ADAMTSL1: variants seen among roughly 807,000 people sequenced by gnomAD.
ADAMTSL1 encodes ADAMTS like 1.
A neutral mutation model predicts 201.8 loss-of-function variants in ADAMTSL1; 126 were observed. That is an observed-to-expected ratio of 0.62 (90% CI 0.54 to 0.72). The LOEUF (loss-of-function observed/expected upper bound fraction) is 0.72. Among genes scored for constraint, ADAMTSL1 ranks in the 30% least tolerant of loss-of-function variants. ADAMTSL1 has a pLI of 0.00. For synonymous variants in ADAMTSL1, 1,121 were observed against 903.4 expected (o/e 1.24, Z -4.32); for missense variants, 2,679 against 2,277.8 (o/e 1.18, Z -3.59).
At chr9:18,261,026 T>C (rs79160963) in intron 2 of ADAMTSL1, among the ~76,000 whole-genome samples, 1 of 143,282 alleles carries the variant, frequency 7.0e-6, no homozygotes, top group Non-Finnish European at 1.5e-5. Context: ...TTTTTTTTTT[T>C]TTGTGTGTCC....
rs914640663 is a variant in ADAMTSL1, at chr9:17,910,244, G to A, written c.87+3322G>A. Among the ~76,000 whole-genome samples the A allele has an allele frequency of 3.8e-4, 26 of 68,532 alleles. 12 individuals carry two copies. Among genetic ancestry groups the A allele is most frequent in the Non-Finnish European group, 5.4e-4 (12 of 22,376 alleles). The allele number at this position is 68,532 out of a possible 152,430, so 45.0% of individuals were successfully genotyped here. A position where few individuals can be genotyped will look rare whatever the true frequency, so the allele number is the denominator to read the frequency against. ...TCTGAACCAAATTAAGACATCTTTC[G>A]TCTTATTTTTAAATATCCACAAGGT... On this transcript the variant is annotated intron_variant, in intron 1 of 29. Transcript: ENST00000680146.
chr9:18,358,536 C>T (rs1432171878), intron 2 of ADAMTSL1, among the ~76,000 whole-genome samples: 2 of 152,150 alleles, frequency 1.3e-5, no homozygotes, highest in Admixed American at 6.6e-5. Context: ...CAATTCTTCC[C>T]CAACCCTTAT....
intron 3 of ADAMTSL1, among the ~76,000 whole-genome samples, chr9:18,560,698 C>T (rs192048399): frequency 6.6e-6 from 1 of 151,744 alleles, no homozygotes; most frequent in East Asian, 1.9e-4. Flanking sequence ...TGTTATTGGT[C>T]TATTCAGGGA....
chr9:18,534,090 A>G (rs78495205), intron 3 of ADAMTSL1, among the ~76,000 whole-genome samples: 1 of 152,198 alleles, frequency 6.6e-6, no homozygotes, highest in Non-Finnish European at 1.5e-5. Context: ...TCATAAAAAG[A>G]TTCGAATGTT....
intron 2 of ADAMTSL1, among the ~76,000 whole-genome samples, chr9:18,242,657 A>C (rs34629437): frequency 1.3e-5 from 2 of 152,154 alleles, no homozygotes; most frequent in Non-Finnish European, 2.9e-5. Flanking sequence ...TTGATGCACT[A>C]AAGTTGTAGG....
intron 1 of ADAMTSL1, among the ~76,000 whole-genome samples, chr9:17,951,526 T>C (rs1827727232): frequency 6.6e-6 from 1 of 152,186 alleles, no homozygotes; most frequent in Admixed American, 6.5e-5. Context: ...ATGGTTTTAA[T>C]GTACCTTTCC....
At chr9:18,398,923 A>G (rs1474850911) in intron 2 of ADAMTSL1, among the ~76,000 whole-genome samples, 1 of 152,148 alleles carries the variant, frequency 6.6e-6, no homozygotes, top group Non-Finnish European at 1.5e-5. Flanking sequence ...ATGATAATGT[A>G]GATGGTACAA....
At chr9:18,826,256 G>GT (rs766497290) in intron 21 of ADAMTSL1, 28 bp from the exon 22 acceptor site, 2 of 1,485,978 alleles carry the variant, frequency 1.3e-6, no homozygotes, top group East Asian at 2.4e-5. Context: ...GATGAGTGGG[G>GT]TTTTTTGTTT....
intron 7 of ADAMTSL1, among the ~76,000 whole-genome samples, chr9:18,649,371 G>A (rs1016359751): frequency 6.6e-6 from 1 of 152,070 alleles, no homozygotes; most frequent in African/African-American, 2.4e-5. Context: ...ATCGTCTGAA[G>A]CCTTCTTCTC....
intron 15 of ADAMTSL1, among the ~76,000 whole-genome samples, chr9:18,727,825 A>C (rs1817981561): frequency 6.6e-6 from 1 of 152,148 alleles, no homozygotes; most frequent in Non-Finnish European, 1.5e-5. Flanking sequence ...CATGCCTGTA[A>C]TCCCAGCATT....
chr9:18,166,182 T>C (rs1315186817), intron 2 of ADAMTSL1, among the ~76,000 whole-genome samples: 1 of 151,950 alleles, frequency 6.6e-6, no homozygotes, highest in African/African-American at 2.4e-5. Context: ...CCCTACCAGA[T>C]TAGCAGCTCT....
chr9:17,958,787 T>A (rs1828027310), intron 1 of ADAMTSL1, among the ~76,000 whole-genome samples: 1 of 152,178 alleles, frequency 6.6e-6, no homozygotes, highest in Admixed American at 6.5e-5. Flanking sequence ...AGATCTTGCC[T>A]GATATAAACA....
At chr9:18,423,210 T>C (rs1376441771) in intron 2 of ADAMTSL1, among the ~76,000 whole-genome samples, 2 of 152,228 alleles carry the variant, frequency 1.3e-5, no homozygotes, top group African/African-American at 4.8e-5. Flanking sequence ...GAAATTACTT[T>C]CTGGACAATT....
At chr9:17,993,814 C>T (rs1819263326) in intron 1 of ADAMTSL1, among the ~76,000 whole-genome samples, 1 of 152,110 alleles carries the variant, frequency 6.6e-6, no homozygotes, top group Non-Finnish European at 1.5e-5. Flanking sequence ...TCCCTAGCTT[C>T]ATGATTAAAA....
intron 1 of ADAMTSL1, among the ~76,000 whole-genome samples, chr9:18,117,413 G>T (rs1825300777): frequency 6.6e-6 from 1 of 151,976 alleles, no homozygotes; most frequent in Admixed American, 6.6e-5. Context: ...CATCCACCAG[G>T]CACACTCCTG....
chr9:18,636,045 G>T, intron 6 of ADAMTSL1, 28 bp downstream of exon 6: 4 of 1,516,148 alleles, frequency 2.6e-6, no homozygotes, highest in Non-Finnish European at 3.6e-6. Context: ...TTTCCTTTGG[G>T]AATTGGGAAT....
intron 2 of ADAMTSL1, among the ~76,000 whole-genome samples, chr9:18,528,160 G>A (rs1164672143): frequency 6.6e-6 from 1 of 152,170 alleles, no homozygotes; most frequent in Non-Finnish European, 1.5e-5. Flanking sequence ...TTACAGGCAT[G>A]AGCCACCACA....
At chr9:18,100,185 C>A (rs972460359) in intron 1 of ADAMTSL1, among the ~76,000 whole-genome samples, 1 of 152,116 alleles carries the variant, frequency 6.6e-6, no homozygotes, top group East Asian at 1.9e-4. Context: ...TCTGTAGGAA[C>A]ATCAGCTGCT....
intron 20 of ADAMTSL1, among the ~76,000 whole-genome samples, chr9:18,806,502 C>T (rs4977445): frequency 6.6e-6 from 1 of 152,064 alleles, no homozygotes; most frequent in African/African-American, 2.4e-5. Flanking sequence ...TAGCAGAGGC[C>T]TGGGATTCAG....
Sources: allele counts gnomAD v4.1 joint callset (sites outside exome capture counted in the v4.1 genomes callset), GRCh38; gene constraint gnomAD v4.1.1; transcripts MANE v1.5; gene names NCBI Gene and HGNC (gene_info 2026-07-23, HGNC 2026-07-21).